Variants in CWF19L2 observed in about 807,000 individuals in gnomAD.
CWF19L2 encodes CWF19-like protein 2.
In CWF19L2, 98 loss-of-function variants were observed where a neutral mutation model predicts 111.7. The ratio of observed to expected loss-of-function variants is 0.88; its 90% confidence interval spans 0.75 to 1.04. The LOEUF (loss-of-function observed/expected upper bound fraction) is 1.04, where lower values mean the gene tolerates loss of function less well. Among genes scored for constraint, CWF19L2 ranks in the 50% least tolerant of loss-of-function variants. CWF19L2 has a pLI of 0.00. For missense variants in CWF19L2, 1,101 were observed against 1,051.4 expected, an observed-to-expected ratio of 1.05 and a Z score of -0.65; for synonymous variants, 351 against 342.9, an observed-to-expected ratio of 1.02 and a Z score of -0.26.
intron 8 of CWF19L2, among the ~76,000 whole-genome samples, chr11:107,426,167 CACAA>C (rs970275859): frequency 1.4e-5 from 2 of 145,108 alleles, no homozygotes; most frequent in Non-Finnish European, 3.1e-5. Flanking sequence ...AAAGAGCTCT[CACAA>C]ACAAACAATA....
intron 12 of CWF19L2, among the ~76,000 whole-genome samples, chr11:107,361,438 G>C (rs749450987): frequency 6.6e-6 from 1 of 152,064 alleles, no homozygotes; most frequent in Non-Finnish European, 1.5e-5. Context: ...TTTTTGCTTA[G>C]GATTTCTTTG....
chr11:107,410,865 TTTACA>T (rs1241106924), intron 10 of CWF19L2, among the ~76,000 whole-genome samples: 9 of 152,122 alleles, frequency 5.9e-5, no homozygotes, highest in Admixed American at 1.3e-4. Flanking sequence ...GAAAACTGAC[TTTACA>T]TTAAACAACT....
chr11:107,450,239 A>G (rs1861759487), intron 3 of CWF19L2, among the ~76,000 whole-genome samples: 1 of 152,152 alleles, frequency 6.6e-6, no homozygotes, highest in Non-Finnish European at 1.5e-5. Context: ...CCACATCTCT[A>G]CAAAATATAT....
chr11:107,456,246 T>C (rs1861853168), intron 1 of CWF19L2, among the ~76,000 whole-genome samples: 1 of 152,192 alleles, frequency 6.6e-6, no homozygotes, highest in African/African-American at 2.4e-5. Context: ...ATATTGGTAA[T>C]TTTTATCCAT....
At chr11:107,367,807 C>A (rs1265127274) in intron 12 of CWF19L2, among the ~76,000 whole-genome samples, 2 of 134,756 alleles carry the variant, frequency 1.5e-5, no homozygotes, top group Non-Finnish European at 3.2e-5. Flanking sequence ...TGCACATGTA[C>A]CCTAAAACTT....
chr11:107,444,906 T>A (rs1861679923), intron 3 of CWF19L2, among the ~76,000 whole-genome samples: 1 of 152,108 alleles, frequency 6.6e-6, no homozygotes, highest in Non-Finnish European at 1.5e-5. Context: ...CCTACCTCTA[T>A]CCCTGGCCAC....
chr11:107,457,660 C>G, intron 1 of CWF19L2, 52 bp downstream of exon 1: 1 of 1,347,496 alleles, frequency 7.4e-7, no homozygotes, highest in Non-Finnish European at 1.0e-6. Context: ...CTTACGGGAA[C>G]CCTCAACTCC....
intron 4 of CWF19L2, 61 bp downstream of exon 4, chr11:107,442,878 G>C: frequency 1.7e-6 from 1 of 597,098 alleles, no homozygotes; most frequent in East Asian, 3.3e-5. Context: ...AGGAGGGAGG[G>C]AGGGAGGAAG....
In CWF19L2 at chr11:107,334,977, T is replaced by C. The variant is rs775000899; in HGVS notation, c.2359-16A>G. 1 of 1,527,186 alleles carries C rather than the reference T, an allele frequency of 6.5e-7. No individual in the cohort carries two copies. Among genetic ancestry groups the C allele is most frequent in the Non-Finnish European group, 9.0e-7 (1 of 1,105,622 alleles). The allele number at this position is 1,527,186 out of a possible 1,614,324, so 94.6% of individuals were successfully genotyped here. ...TTATGGCTTTCTAAGAAATATCCATTTGTTAAGTGAAAAAAGAACATGTAA... is the reference window on the plus strand; with the variant it reads ...TTATGGCTTTCTAAGAAATATCCATCTGTTAAGTGAAAAAAGAACATGTAA... On this transcript the variant is annotated splice_polypyrimidine_tract_variant and intron_variant, in intron 15 of 17. Coordinates refer to ENST00000282251, the MANE Select transcript of CWF19L2 (RefSeq NM_152434.3).
chr11:107,363,056 T>G (rs1030197538), intron 12 of CWF19L2, among the ~76,000 whole-genome samples: 8 of 152,156 alleles, frequency 5.3e-5, no homozygotes, highest in Admixed American at 5.2e-4. Flanking sequence ...TGAGATCAAC[T>G]GGAAGAAAGG....
intron 7 of CWF19L2, among the ~76,000 whole-genome samples, chr11:107,430,934 T>C (rs916626357): frequency 1.3e-5 from 2 of 151,884 alleles, no homozygotes; most frequent in African/African-American, 2.4e-5. Flanking sequence ...TGCTTAACTC[T>C]AGTAATTATT....
At chr11:107,330,113 A>C (rs1859823779) in intron 16 of CWF19L2, 94 bp from the exon 17 acceptor site, 1 of 638,932 alleles carries the variant, frequency 1.6e-6, no homozygotes, top group Non-Finnish European at 2.5e-6. Flanking sequence ...CAGTAATCTT[A>C]AGCATTCCTC....
In CWF19L2 at chr11:107,393,394, C is replaced by T. The variant is rs1860876962; in HGVS notation, c.1618-499G>A. Among the ~76,000 whole-genome samples the T allele has an allele frequency of 1.3e-5, 2 of 152,092 alleles. 1 individual carries two copies. Among genetic ancestry groups the T allele is most frequent in the African/African-American group, 4.8e-5 (2 of 41,420 alleles). On this transcript the variant is annotated intron_variant, in intron 10 of 17. Coordinates refer to ENST00000282251, the MANE Select transcript of CWF19L2 (RefSeq NM_152434.3). Reference sequence around the variant, plus strand: ...TGACTCTTCAGAAGGAATTATATCCCACACACTTTCAAGCCATATTTTTCT... The same window carrying T: ...TGACTCTTCAGAAGGAATTATATCCTACACACTTTCAAGCCATATTTTTCT...
chr11:107,441,860 CAAGAT>C (rs1248137055), intron 4 of CWF19L2, among the ~76,000 whole-genome samples: 1 of 152,134 alleles, frequency 6.6e-6, no homozygotes, highest in East Asian at 1.9e-4. Context: ...AAAGAGTAAA[CAAGAT>C]AACAGATCTA....
chr11:107,335,842 T>C (rs1591147890), intron 15 of CWF19L2, among the ~76,000 whole-genome samples: 1 of 152,186 alleles, frequency 6.6e-6, no homozygotes, highest in Non-Finnish European at 1.5e-5. Context: ...TACAGTGCTA[T>C]TACCTATTTA....
At chr11:107,355,910 C>T (rs898406689) in intron 12 of CWF19L2, among the ~76,000 whole-genome samples, 5 of 152,066 alleles carry the variant, frequency 3.3e-5, no homozygotes, top group African/African-American at 9.7e-5. Context: ...GAAATTCCAC[C>T]CAACAGCGCA....
rs535248144 is a variant in CWF19L2 at position 107,375,870 on chromosome 11, G to A, written c.1872+14204C>T. On this transcript the variant is annotated intron_variant, in intron 12 of 17. Coordinates refer to ENST00000282251, the MANE Select transcript of CWF19L2 (RefSeq NM_152434.3). ...AAAGGATCAACAAAATTGATAGACC[G>A]CTAGCAAGACTAATAAAGAGAGAAG... Among the ~76,000 whole-genome samples, 21 of 42,966 alleles carry A rather than the reference G, an allele frequency of 4.9e-4. 8 individuals are homozygous for A. The highest frequency in any genetic ancestry group is 1.1e-3 in the Admixed American group (7 of 6,428). The allele number at this position is 42,966 out of a possible 152,430, so 28.2% of individuals were successfully genotyped here.
chr11:107,396,492 G>T (rs763883190), intron 10 of CWF19L2, among the ~76,000 whole-genome samples: 2 of 152,124 alleles, frequency 1.3e-5, no homozygotes, highest in Non-Finnish European at 2.9e-5. Context: ...TATTTTAAAG[G>T]AAGAAAGGAG....
At chr11:107,345,928 C>T (rs951852772) in intron 14 of CWF19L2, among the ~76,000 whole-genome samples, 1 of 152,082 alleles carries the variant, frequency 6.6e-6, no homozygotes, top group Non-Finnish European at 1.5e-5. Context: ...ACATGAAATT[C>T]CCATATTCCT....
Sources: allele counts gnomAD v4.1 joint callset (sites outside exome capture counted in the v4.1 genomes callset), GRCh38; gene constraint gnomAD v4.1.1; transcripts MANE v1.5; gene names NCBI Gene and HGNC (gene_info 2026-07-23, HGNC 2026-07-21).